Variants in DLG2 observed in about 807,000 individuals in gnomAD.
DLG2 encodes discs large MAGUK scaffold protein 2, also known as disks large homolog 2.
Under a neutral mutation model 132.5 loss-of-function variants are expected in DLG2, and 45 were observed. The observed-to-expected ratio is 0.34, with a 90% CI of 0.27 to 0.44. DLG2 has a LOEUF of 0.44. Among genes scored for constraint, DLG2 ranks in the 20% least tolerant of loss-of-function variants. DLG2 has a pLI of 1.00. For synonymous variants in DLG2, 424 were observed against 419.6 expected, an observed-to-expected ratio of 1.01 and a Z score of -0.13; for missense variants, 1,045 against 1,196.9, an observed-to-expected ratio of 0.87 and a Z score of 1.87.
At chr11:84,671,536 C>T (rs1222285465) in intron 6 of DLG2, among the ~76,000 whole-genome samples, 1 of 152,150 alleles carries the variant, frequency 6.6e-6, no homozygotes, top group African/African-American at 2.4e-5. Flanking sequence ...CTCTGGGAAC[C>T]TGCTGTAAAA....
At chr11:84,137,764 A>G (rs1008675654) in intron 9 of DLG2, among the ~76,000 whole-genome samples, 2 of 152,112 alleles carry the variant, frequency 1.3e-5, no homozygotes, top group Non-Finnish European at 2.9e-5. Flanking sequence ...TCAGGATTCT[A>G]AGAATGATAC....
chr11:83,579,347 A>G (rs1379299772), intron 19 of DLG2, among the ~76,000 whole-genome samples: 4 of 152,198 alleles, frequency 2.6e-5, no homozygotes, highest in Non-Finnish European at 5.9e-5. Flanking sequence ...TTGCTATTTG[A>G]TGTTTAAAAA....
chr11:84,059,732 A>C (rs2096561555), intron 10 of DLG2, among the ~76,000 whole-genome samples: 1 of 152,138 alleles, frequency 6.6e-6, no homozygotes, highest in Admixed American at 6.5e-5. Flanking sequence ...ACTCCAGTCC[A>C]CTTTGACTGG....
At chr11:85,204,849 A>G (rs933022866) in intron 4 of DLG2, among the ~76,000 whole-genome samples, 4 of 152,158 alleles carry the variant, frequency 2.6e-5, no homozygotes, top group Non-Finnish European at 5.9e-5. Flanking sequence ...GGCCAATGAA[A>G]CAGAATAGAG....
chr11:83,588,840 A>G (rs1227484977), intron 19 of DLG2, among the ~76,000 whole-genome samples: 2 of 152,220 alleles, frequency 1.3e-5, no homozygotes, highest in African/African-American at 2.4e-5. Context: ...CTACATGAAG[A>G]ATGCAGAAGC....
intron 8 of DLG2, among the ~76,000 whole-genome samples, chr11:84,226,318 T>C (rs2096993367): frequency 6.6e-6 from 1 of 152,248 alleles, no homozygotes; most frequent in African/African-American, 2.4e-5. Context: ...TCTCTGTTAA[T>C]TCAGCTCTTC....
At chr11:83,550,498 A>ACCTTCTCTTTC (rs2096364023) in intron 19 of DLG2, among the ~76,000 whole-genome samples, 2 of 152,150 alleles carry the variant, frequency 1.3e-5, no homozygotes, top group African/African-American at 4.8e-5. Context: ...GCTGAGCTCC[A>ACCTTCTCTTTC]ATGTTGACTC....
At chr11:84,056,786 T>G (rs1221596889) in intron 11 of DLG2, among the ~76,000 whole-genome samples, 1 of 152,100 alleles carries the variant, frequency 6.6e-6, no homozygotes, top group Non-Finnish European at 1.5e-5. Flanking sequence ...ACTAAAATAG[T>G]TTTTCTGTAA....
intron 16 of DLG2, among the ~76,000 whole-genome samples, chr11:83,845,172 C>A (rs1175752644): frequency 1.3e-5 from 2 of 151,986 alleles, no homozygotes; most frequent in African/African-American, 4.8e-5. Flanking sequence ...CTTCCTGAAT[C>A]CTTTTTCCTT....
intron 7 of DLG2, among the ~76,000 whole-genome samples, chr11:84,476,096 T>A (rs1394997939): frequency 6.6e-6 from 1 of 152,164 alleles, no homozygotes; most frequent in Non-Finnish European, 1.5e-5. Context: ...CTAGTTATTA[T>A]CTACTCTCTA....
intron 9 of DLG2, among the ~76,000 whole-genome samples, chr11:84,106,352 C>T (rs537101058): frequency 2.0e-4 from 31 of 152,110 alleles, no homozygotes; most frequent in Non-Finnish European, 3.8e-4. Context: ...GTTACGATAT[C>T]TAAAGATGAA....
chr11:84,027,367 G>T (rs1200872547), intron 11 of DLG2, among the ~76,000 whole-genome samples: 1 of 151,986 alleles, frequency 6.6e-6, no homozygotes, highest in African/African-American at 2.4e-5. Flanking sequence ...TCATACTTGT[G>T]CTCATCATTC....
chr11:85,221,154 T>C (rs1394218965), intron 4 of DLG2, among the ~76,000 whole-genome samples: 3 of 151,944 alleles, frequency 2.0e-5, no homozygotes, highest in Non-Finnish European at 4.4e-5. Context: ...GCCATTCTCC[T>C]GACTCAGCCT....
chr11:85,297,794 G>GCC (rs2079330865), intron 3 of DLG2, among the ~76,000 whole-genome samples: 1 of 152,134 alleles, frequency 6.6e-6, no homozygotes, highest in African/African-American at 2.4e-5. Context: ...GATGAGAAGG[G>GCC]TATTCAAGTA....
chr11:84,392,439 G>A (rs1386897761), intron 7 of DLG2, among the ~76,000 whole-genome samples: 2 of 152,140 alleles, frequency 1.3e-5, no homozygotes, highest in African/African-American at 2.4e-5. Context: ...ACATTCATAT[G>A]CCAATGGTCT....
chr11:83,556,683 T>C (rs2096526624), intron 19 of DLG2, among the ~76,000 whole-genome samples: 1 of 152,204 alleles, frequency 6.6e-6, no homozygotes, highest in South Asian at 2.1e-4. Context: ...GATACCATTT[T>C]TTGCATGTTA....
intron 6 of DLG2, among the ~76,000 whole-genome samples, chr11:84,839,842 A>C (rs1038882333): frequency 6.6e-6 from 1 of 152,184 alleles, no homozygotes; most frequent in African/African-American, 2.4e-5. Flanking sequence ...AATTAATTCG[A>C]GATAGATTAA....
At chr11:84,835,034 A>G (rs1297930462) in intron 6 of DLG2, among the ~76,000 whole-genome samples, 1 of 151,680 alleles carries the variant, frequency 6.6e-6, no homozygotes, top group Non-Finnish European at 1.5e-5. Flanking sequence ...TAAGACAGTG[A>G]TACAGCATGC....
At chr11:83,944,786 A>G (rs1003689807) in intron 14 of DLG2, among the ~76,000 whole-genome samples, 1 of 152,228 alleles carries the variant, frequency 6.6e-6, no homozygotes, top group Non-Finnish European at 1.5e-5. Flanking sequence ...AATGGTCAAA[A>G]TATCAAAGAG....
Sources: allele counts gnomAD v4.1 joint callset (sites outside exome capture counted in the v4.1 genomes callset), GRCh38; gene constraint gnomAD v4.1.1; transcripts MANE v1.5; gene names NCBI Gene and HGNC (gene_info 2026-07-23, HGNC 2026-07-21).